Variants in LNX1 observed in about 807,000 individuals in gnomAD.
LNX1 encodes the protein ligand of numb-protein X 1, also known as E3 ubiquitin-protein ligase LNX.
Under a neutral mutation model 68.4 loss-of-function variants are expected in LNX1, and 54 were observed. The observed-to-expected ratio is 0.79, with a 90% CI of 0.63 to 0.99. The LOEUF is 0.99. Among genes scored for constraint, LNX1 ranks in the 50% least tolerant of loss-of-function variants. The probability of loss-of-function intolerance (pLI) is 0.00; values close to 1 mark genes in which losing one functional copy is unlikely to be tolerated. For missense variants in LNX1, 906 were observed against 926.4 expected (o/e 0.98, Z 0.29); for synonymous variants, 336 against 350.0 (o/e 0.96, Z 0.45).
intron 2 of LNX1, among the ~76,000 whole-genome samples, chr4:53,612,203 T>C (rs1490644268): frequency 6.6e-6 from 1 of 152,182 alleles, no homozygotes; most frequent in African/African-American, 2.4e-5. Context: ...ACCCACCAGA[T>C]TGTCTAAAAT....
chr4:53,476,783 G>C lies in LNX1; in HGVS notation c.1862C>G (p.Pro621Arg). 1 of 1,614,142 alleles carries C rather than the reference G, an allele frequency of 6.2e-7. No individual in the cohort carries two copies. The highest frequency in any genetic ancestry group is 1.7e-5 in the Admixed American group (1 of 60,030). Reference sequence around the variant, plus strand: ...TAATTCCAGCCACATGACCCAGGATGGGGACCAGTCACTGGGTGGGGCCAT... The same window carrying C: ...TAATTCCAGCCACATGACCCAGGATCGGGACCAGTCACTGGGTGGGGCCAT... ...HNMAPPSDWSPSWVMWLELPR... is the reference protein window; with the variant it reads ...HNMAPPSDWSRSWVMWLELPR... The change falls in exon 9 of 11, where the codon CCA (proline) becomes CGA (arginine). Residue 621 changes from proline to arginine, a missense_variant. Pro to Arg is a moderately radical substitution (Grantham distance 103). Coordinates refer to ENST00000263925, the MANE Select transcript of LNX1 (RefSeq NM_001126328.3).
intron 9 of LNX1, among the ~76,000 whole-genome samples, chr4:53,468,018 C>G (rs1346241096): frequency 6.6e-6 from 1 of 152,126 alleles, no homozygotes; most frequent in East Asian, 1.9e-4. Context: ...TCAAGAAGAG[C>G]AACTCCAAGA....
At chr4:53,512,166 G>A (rs918176366) in intron 2 of LNX1, among the ~76,000 whole-genome samples, 1 of 152,144 alleles carries the variant, frequency 6.6e-6, no homozygotes, top group Non-Finnish European at 1.5e-5. Flanking sequence ...TTGACTTAAG[G>A]ACACAGTGGC....
rs1458335474 is a variant in LNX1, at chr4:53,573,489, A to G, written c.380+134T>C. On this transcript the variant is annotated intron_variant, in intron 2 of 10. Coordinates refer to ENST00000263925, the MANE Select transcript of LNX1 (RefSeq NM_001126328.3). ...TATTTCCTCACACTGAATCATGACC[A>G]TAAACACCTAGCTGTTTTTTTATTT... The G allele has an allele frequency of 1.1e-5, 7 of 627,296 alleles. No individual in the cohort carries two copies. The Admixed American group carries it at 1.5e-4, about 13-fold the overall frequency. 38.9% of individuals were successfully genotyped at this position (627,296 alleles called of 1,614,324 possible).
At chr4:53,498,921 T>TCAAACTAAACTATTCA in intron 4 of LNX1, 78 bp from the exon 5 acceptor site, 1 of 1,067,406 alleles carries the variant, frequency 9.4e-7, no homozygotes, top group Non-Finnish European at 1.4e-6. Context: ...CAAACTTCAG[T>TCAAACTAAACTATTCA]GTCAGCCAAA....
chr4:53,462,000 C>T (rs1226535103), intron 9 of LNX1, among the ~76,000 whole-genome samples: 1 of 151,916 alleles, frequency 6.6e-6, no homozygotes, highest in African/African-American at 2.4e-5. Flanking sequence ...GGCAAAAATC[C>T]TTTGAATAAT....
chr4:53,531,154 C>G (rs1727994346), intron 2 of LNX1, among the ~76,000 whole-genome samples: 1 of 152,160 alleles, frequency 6.6e-6, no homozygotes, highest in South Asian at 2.1e-4. Context: ...CTCATACTTT[C>G]TTGCTTCCAG....
At chr4:53,642,586 A>G (rs1734728570) in intron 1 of LNX1, among the ~76,000 whole-genome samples, 1 of 152,180 alleles carries the variant, frequency 6.6e-6, no homozygotes, top group South Asian at 2.1e-4. Flanking sequence ...GGTCAAATCA[A>G]TGCTACAGAG....
At chr4:53,534,248 C>G (rs888562994) in intron 2 of LNX1, among the ~76,000 whole-genome samples, 24 of 152,078 alleles carry the variant, frequency 1.6e-4, no homozygotes, top group African/African-American at 5.8e-4. Flanking sequence ...GTTGGTTTGG[C>G]TCTTAAAGGG....
At chr4:53,546,659 T>C (rs948268478) in intron 2 of LNX1, among the ~76,000 whole-genome samples, 3 of 152,198 alleles carry the variant, frequency 2.0e-5, no homozygotes, top group Non-Finnish European at 2.9e-5. Context: ...CAAGCTCTCC[T>C]TCGGCTCTCA....
At position 53,460,573 on chromosome 4, in the gene LNX1, A is replaced by G. The variant is rs939949250; in HGVS notation, c.*334T>C. On this transcript the variant is annotated 3_prime_UTR_variant, in exon 11 of 11. Transcript: ENST00000263925. The stretch of plus-strand genomic sequence containing the variant: ...CCATAATGTACCCTTGGCAGACTTC[A>G]GCATATACCAAATTTTAAATTTAAA... 1 of 247,050 alleles carries G rather than the reference A, an allele frequency of 4.0e-6. No individual in the cohort carries two copies. The highest frequency in any genetic ancestry group is 1.2e-4 in the South Asian group (1 of 8,636). 15.3% of individuals were successfully genotyped at this position (247,050 alleles called of 1,614,324 possible). A position where few individuals can be genotyped will look rare whatever the true frequency, so the allele number is the denominator to read the frequency against.
chr4:53,576,274 T>C, intron 1 of LNX1: 4 of 1,612,126 alleles, frequency 2.5e-6, no homozygotes, highest in Non-Finnish European at 3.4e-6. Context: ...TGGGTTAGCA[T>C]ACCGCTTCGA....
In LNX1 at chr4:53,556,271, CA is replaced by C. The variant is rs1169053028; in HGVS notation, c.380+17351del. Among the ~76,000 whole-genome samples, 13 of 152,124 alleles carry C rather than the reference CA, an allele frequency of 8.5e-5. 1 individual carries two copies. The highest frequency in any genetic ancestry group is 2.2e-4 in the African/African-American group (9 of 41,456). Reference sequence around the variant, plus strand: ...GCCACAAGCCAAGGAACACCTGCAGCACCCCCCTCCACAAAACTAGAAGAAT... The same window carrying C: ...GCCACAAGCCAAGGAACACCTGCAGCCCCCCCTCCACAAAACTAGAAGAAT... On this transcript the variant is annotated intron_variant, in intron 2 of 10. Transcript: ENST00000263925.
At chr4:53,586,661 T>C (rs1221154613) in intron 1 of LNX1, among the ~76,000 whole-genome samples, 1 of 152,226 alleles carries the variant, frequency 6.6e-6, no homozygotes, top group African/African-American at 2.4e-5. Flanking sequence ...CTTGGCTTTC[T>C]AGAGCAGAGA....
intron 2 of LNX1, among the ~76,000 whole-genome samples, chr4:53,611,053 G>A (rs1433704167): frequency 1.3e-5 from 2 of 152,012 alleles, no homozygotes; most frequent in Non-Finnish European, 2.9e-5. Context: ...GAAAAAAGAG[G>A]TAAAACTGTC....
At chr4:53,566,259 T>A (rs1479545243) in intron 2 of LNX1, among the ~76,000 whole-genome samples, 2 of 150,944 alleles carry the variant, frequency 1.3e-5, no homozygotes, top group African/African-American at 4.9e-5. Context: ...AAAGGTCGGG[T>A]TACCCTCAAA....
At chr4:53,488,070 G>A (rs6852422) in intron 6 of LNX1, among the ~76,000 whole-genome samples, 10,413 of 152,222 alleles carry the variant, frequency 0.068, 522 homozygotes, top group Non-Finnish European at 0.1. Context: ...AGACACACAA[G>A]AAATGTCAGA....
At position 53,553,416 on chromosome 4, in the gene LNX1, G is replaced by A. The variant is rs112646544; in HGVS notation, c.380+20207C>T. Among the ~76,000 whole-genome samples, 789 of 152,230 alleles carry A rather than the reference G, an allele frequency of 5.2e-3. 8 individuals are homozygous for A. Among genetic ancestry groups the A allele is most frequent in the African/African-American group, 0.018 (744 of 41,534 alleles). Reference sequence around the variant, plus strand: ...TTTTCATTTTAGTAGGTTTGATTTAGAGCCCTCCAAATCTGCATTTTGAAA... The same window carrying A: ...TTTTCATTTTAGTAGGTTTGATTTAAAGCCCTCCAAATCTGCATTTTGAAA... On this transcript the variant is annotated intron_variant, in intron 2 of 10. Coordinates refer to ENST00000263925, the MANE Select transcript of LNX1 (RefSeq NM_001126328.3).
At chr4:53,515,296 T>C (rs1045879408) in intron 2 of LNX1, among the ~76,000 whole-genome samples, 8 of 152,250 alleles carry the variant, frequency 5.3e-5, no homozygotes, top group Non-Finnish European at 1.2e-4. Context: ...CACAGAGCTA[T>C]ACAGTAAACA....
Sources: allele counts gnomAD v4.1 joint callset (sites outside exome capture counted in the v4.1 genomes callset), GRCh38; gene constraint gnomAD v4.1.1; transcripts MANE v1.5; gene names NCBI Gene and HGNC (gene_info 2026-07-23, HGNC 2026-07-21).